Variants in NRXN3 observed in about 807,000 individuals in gnomAD.
NRXN3 encodes the protein neurexin 3.
A neutral mutation model predicts 137.6 loss-of-function variants in NRXN3; 32 were observed. The observed-to-expected ratio is 0.23, with a 90% CI of 0.18 to 0.31. The LOEUF (loss-of-function observed/expected upper bound fraction) is 0.31, where lower values mean the gene tolerates loss of function less well. Ranked by LOEUF, NRXN3 falls within the 10% of genes least tolerant of loss-of-function variation. The probability of loss-of-function intolerance (pLI) is 1.00; values close to 1 mark genes in which losing one functional copy is unlikely to be tolerated. For synonymous variants in NRXN3, 798 were observed against 784.5 expected (o/e 1.02, Z -0.29); for missense variants, 1,574 against 2,062.5 (o/e 0.76, Z 4.59).
chr14:78,939,092 G>T (rs1003148318), intron 10 of NRXN3, among the ~76,000 whole-genome samples: 1 of 151,802 alleles, frequency 6.6e-6, no homozygotes, highest in Non-Finnish European at 1.5e-5. Flanking sequence ...TGATCCGCCC[G>T]CCTCGGCCTC....
At chr14:79,501,669 C>T (rs1456768872) in intron 16 of NRXN3, among the ~76,000 whole-genome samples, 2 of 151,934 alleles carry the variant, frequency 1.3e-5, no homozygotes, top group African/African-American at 2.4e-5. Context: ...CCAATTATTA[C>T]ATTCTTCCTA....
chr14:78,756,442 C>T (rs979730857), intron 8 of NRXN3, among the ~76,000 whole-genome samples: 2 of 151,174 alleles, frequency 1.3e-5, no homozygotes, highest in Non-Finnish European at 1.5e-5. Context: ...GAGCCAAGAT[C>T]GTGCCACTGT....
chr14:79,455,519 A>G (rs1242511945), intron 15 of NRXN3, among the ~76,000 whole-genome samples: 1 of 152,168 alleles, frequency 6.6e-6, no homozygotes, highest in East Asian at 1.9e-4. Flanking sequence ...TGTATTTTTT[A>G]ATTATTAAAA....
At chr14:78,500,673 A>C (rs1032509565) in intron 4 of NRXN3, among the ~76,000 whole-genome samples, 1 of 152,174 alleles carries the variant, frequency 6.6e-6, no homozygotes, top group African/African-American at 2.4e-5. Context: ...TTAGGGTCCT[A>C]AGAGAAGACA....
chr14:78,314,036 T>C (rs1390767357), intron 4 of NRXN3, among the ~76,000 whole-genome samples: 6 of 152,186 alleles, frequency 3.9e-5, no homozygotes, highest in Non-Finnish European at 8.8e-5. Flanking sequence ...AAAACCCCTA[T>C]ATAATGAATT....
At chr14:79,500,506 C>A (rs1235998603) in intron 16 of NRXN3, among the ~76,000 whole-genome samples, 1 of 152,156 alleles carries the variant, frequency 6.6e-6, no homozygotes, top group African/African-American at 2.4e-5. Flanking sequence ...TATTATGCAT[C>A]ACTTGTCAAC....
rs766031801 is a variant in NRXN3, at chr14:78,961,292, A to T, written c.2395+3931A>T. ...TTTTGCTGAGCTCTTAGTTTTGACC[A>T]GGAACCTCATGTGTGGAAATGGTGA... On this transcript the variant is annotated intron_variant, in intron 11 of 20. Coordinates refer to ENST00000335750, the MANE Select transcript of NRXN3 (RefSeq NM_001330195.2). Among the ~76,000 whole-genome samples, 106 of 152,218 alleles carry T rather than the reference A, an allele frequency of 7.0e-4. 1 individual carries two copies. The highest frequency in any genetic ancestry group is 1.1e-3 in the Non-Finnish European group (76 of 68,010).
intron 8 of NRXN3, among the ~76,000 whole-genome samples, chr14:78,801,474 A>G (rs915695829): frequency 8.5e-5 from 13 of 152,308 alleles, no homozygotes; most frequent in African/African-American, 3.1e-4. Context: ...AGGAGAGAAA[A>G]GAGCATGTGA....
chr14:79,564,697 A>C (rs2097531182), intron 16 of NRXN3, among the ~76,000 whole-genome samples: 1 of 152,142 alleles, frequency 6.6e-6, no homozygotes, highest in Non-Finnish European at 1.5e-5. Flanking sequence ...AAAAATTATA[A>C]TGCAAGCATA....
At chr14:78,657,817 A>C (rs1176045725) in intron 6 of NRXN3, among the ~76,000 whole-genome samples, 4 of 152,076 alleles carry the variant, frequency 2.6e-5, no homozygotes, top group African/African-American at 7.2e-5. Flanking sequence ...CTTTGGGATA[A>C]TGTGTTTGTT....
At chr14:78,667,085 A>C (rs1282910423) in intron 6 of NRXN3, among the ~76,000 whole-genome samples, 2 of 152,072 alleles carry the variant, frequency 1.3e-5, no homozygotes, top group African/African-American at 4.8e-5. Flanking sequence ...GCTCATGGTC[A>C]CCTGCTTGAC....
chr14:79,292,309 A>AC (rs1433546034), intron 15 of NRXN3, among the ~76,000 whole-genome samples: 3 of 151,960 alleles, frequency 2.0e-5, no homozygotes, highest in African/African-American at 7.2e-5. Flanking sequence ...AGAGTGAGGG[A>AC]CCCCCTCTCC....
At chr14:78,209,401 C>T (rs945594421) in intron 1 of NRXN3, among the ~76,000 whole-genome samples, 1 of 152,196 alleles carries the variant, frequency 6.6e-6, no homozygotes, top group Admixed American at 6.5e-5. Flanking sequence ...ATCTTCCTAT[C>T]TGCTCATGTG....
intron 2 of NRXN3, among the ~76,000 whole-genome samples, chr14:78,267,467 G>A (rs2071954397): frequency 1.3e-5 from 2 of 152,072 alleles, no homozygotes; most frequent in Non-Finnish European, 2.9e-5. Context: ...TGATGTGGGA[G>A]GATTGCTTGA....
At chr14:79,667,965 G>T (rs191389514) in intron 17 of NRXN3, among the ~76,000 whole-genome samples, 2 of 152,116 alleles carry the variant, frequency 1.3e-5, no homozygotes, top group Admixed American at 6.5e-5. Context: ...TCCAGTAAAG[G>T]CTTTTCAGGT....
intron 4 of NRXN3, among the ~76,000 whole-genome samples, chr14:78,426,170 A>G (rs555806598): frequency 2.0e-5 from 3 of 152,298 alleles, no homozygotes; most frequent in South Asian, 4.1e-4. Flanking sequence ...GTGGGAGAGG[A>G]CACATCAAGG....
intron 4 of NRXN3, among the ~76,000 whole-genome samples, chr14:78,347,162 T>C (rs1381432909): frequency 1.3e-5 from 2 of 152,228 alleles, no homozygotes; most frequent in Non-Finnish European, 1.5e-5. Flanking sequence ...ATGCGGATGC[T>C]GGGAGAATCC....
At chr14:79,839,152 C>G (rs2099350372) in intron 20 of NRXN3, among the ~76,000 whole-genome samples, 1 of 151,822 alleles carries the variant, frequency 6.6e-6, no homozygotes, top group Non-Finnish European at 1.5e-5. Context: ...TATGCTGGAT[C>G]AGGTAAAGGG....
At chr14:79,854,383 T>C (rs549957660) in intron 20 of NRXN3, among the ~76,000 whole-genome samples, 16 of 152,334 alleles carry the variant, frequency 1.1e-4, no homozygotes, top group Non-Finnish European at 2.1e-4. Flanking sequence ...TTTGCTCTCC[T>C]TCTCCCAGCT....
Sources: gnomAD v4.1 joint callset for allele counts (sites outside exome capture counted in the v4.1 genomes callset) on GRCh38, gnomAD v4.1.1 for gene constraint, MANE v1.5 for transcripts, NCBI Gene and HGNC (gene_info 2026-07-23, HGNC 2026-07-21) for gene names.